The following SAMD12 variants were observed in gnomAD, a reference collection of about 807,000 sequenced individuals.
The protein encoded by SAMD12 is sterile alpha motif domain containing 12.
In SAMD12, 9 loss-of-function variants were observed where a neutral mutation model predicts 15.0. The ratio of observed to expected loss-of-function variants is 0.60; its 90% CI spans 0.36 to 1.05. The LOEUF (loss-of-function observed/expected upper bound fraction) is 1.05. SAMD12 is among the 50% of genes least tolerant of loss of function. The pLI, the probability that SAMD12 is intolerant of heterozygous loss-of-function variation, is 0.01. For synonymous variants in SAMD12, 86 were observed against 90.1 expected (o/e 0.96, Z 0.25); for missense variants, 230 against 234.2 (o/e 0.98, Z 0.12).
intron 2 of SAMD12, among the ~76,000 whole-genome samples, chr8:118,513,013 T>A (rs78187489): frequency 6.6e-6 from 1 of 151,954 alleles, no homozygotes; most frequent in Non-Finnish European, 1.5e-5. Flanking sequence ...ACTTATATTT[T>A]TTTTTTTTCT....
At chr8:118,465,512 C>T (rs1473215298) in intron 2 of SAMD12, among the ~76,000 whole-genome samples, 2 of 152,106 alleles carry the variant, frequency 1.3e-5, no homozygotes, top group African/African-American at 2.4e-5. Flanking sequence ...CTCAAACAGT[C>T]CTGCACAGTC....
At chr8:118,541,781 A>C (rs910647819) in intron 2 of SAMD12, among the ~76,000 whole-genome samples, 3 of 152,224 alleles carry the variant, frequency 2.0e-5, no homozygotes, top group Non-Finnish European at 4.4e-5. Context: ...TGACAAACAA[A>C]ATACACAAAG....
At chr8:118,155,330 C>T in the SAMD12 span, among the ~76,000 whole-genome samples, 664 of 152,242 alleles carry the variant, frequency 4.4e-3, 7 homozygotes, top group African/African-American at 0.015. Flanking sequence ...CCAGATACAT[C>T]ATTGAAGAAC....
chr8:118,464,924 GCTATA>G (rs1192692376), intron 2 of SAMD12, among the ~76,000 whole-genome samples: 1 of 152,130 alleles, frequency 6.6e-6, no homozygotes, highest in Non-Finnish European at 1.5e-5. Context: ...ATTAATAGAT[GCTATA>G]CTCTGCTGTG....
intron 4 of SAMD12, among the ~76,000 whole-genome samples, chr8:118,284,048 G>A (rs1361733471): frequency 1.3e-5 from 2 of 152,132 alleles, no homozygotes; most frequent in East Asian, 1.9e-4. Flanking sequence ...TAGCTTTCAC[G>A]ACAATAAAAT....
chr8:118,612,779 C>G (rs979181729), intron 1 of SAMD12, among the ~76,000 whole-genome samples: 5 of 152,176 alleles, frequency 3.3e-5, no homozygotes, highest in Admixed American at 3.3e-4. Context: ...TAGTGGTTTA[C>G]TCATGATTAC....
At chr8:118,430,150 T>A (rs1168798248) in intron 3 of SAMD12, among the ~76,000 whole-genome samples, 2 of 152,204 alleles carry the variant, frequency 1.3e-5, no homozygotes, top group Non-Finnish European at 2.9e-5. Flanking sequence ...TTCTATAAAA[T>A]GTTCTATAGA....
intron 3 of SAMD12, among the ~76,000 whole-genome samples, chr8:118,384,178 A>T (rs1007307180): frequency 6.6e-6 from 1 of 152,176 alleles, no homozygotes; most frequent in Admixed American, 6.5e-5. Flanking sequence ...TCACTAGGGC[A>T]GAGCAGGTGA....
chr8:118,240,709 T>C (rs749910368), intron 4 of SAMD12, among the ~76,000 whole-genome samples: 17 of 152,108 alleles, frequency 1.1e-4, no homozygotes, highest in Non-Finnish European at 2.2e-4. Context: ...ATACTGATTC[T>C]TCTTAAAGTG....
intron 1 of SAMD12, among the ~76,000 whole-genome samples, chr8:118,600,858 T>C (rs980894643): frequency 2.6e-5 from 4 of 152,228 alleles, no homozygotes; most frequent in African/African-American, 9.6e-5. Flanking sequence ...TTAAGGATTA[T>C]TCACTTTTCT....
intron 3 of SAMD12, among the ~76,000 whole-genome samples, chr8:118,417,363 T>G (rs1821752302): frequency 1.3e-5 from 2 of 152,188 alleles, no homozygotes; most frequent in Non-Finnish European, 2.9e-5. Context: ...GGATTACAGT[T>G]GTGAGCCACT....
At chr8:118,346,355 G>A (rs1049625097) in intron 4 of SAMD12, among the ~76,000 whole-genome samples, 3 of 152,306 alleles carry the variant, frequency 2.0e-5, no homozygotes, top group African/African-American at 7.2e-5. Context: ...GAATATTCCA[G>A]AAAGGTGGTA....
chr8:118,164,687 A>G, the SAMD12 span, among the ~76,000 whole-genome samples: 1 of 144,886 alleles, frequency 6.9e-6, no homozygotes, highest in Non-Finnish European at 1.6e-5. Flanking sequence ...TTACAGCTAT[A>G]GGCAATTTTT....
At chr8:118,351,921 C>T (rs1817983368) in intron 4 of SAMD12, among the ~76,000 whole-genome samples, 1 of 152,278 alleles carries the variant, frequency 6.6e-6, no homozygotes, top group South Asian at 2.1e-4. Context: ...GGCTCTTTGT[C>T]TTGAAGCCCT....
intron 4 of SAMD12, among the ~76,000 whole-genome samples, chr8:118,331,143 G>C (rs1816787446): frequency 6.6e-6 from 1 of 152,050 alleles, no homozygotes; most frequent in Non-Finnish European, 1.5e-5. Flanking sequence ...CAAAAGGTCA[G>C]CACAAACTTG....
At chr8:118,337,864 A>T (rs1817160723) in intron 4 of SAMD12, among the ~76,000 whole-genome samples, 2 of 152,242 alleles carry the variant, frequency 1.3e-5, no homozygotes, top group African/African-American at 4.8e-5. Flanking sequence ...TTAATAAGGA[A>T]ACAACAAAAA....
intron 2 of SAMD12, among the ~76,000 whole-genome samples, chr8:118,567,838 T>C (rs1256827244): frequency 6.6e-6 from 1 of 152,248 alleles, no homozygotes; most frequent in Non-Finnish European, 1.5e-5. Flanking sequence ...GTAGGTGTGA[T>C]TTAAACAGCA....
At chr8:118,559,381 G>A (rs953388399) in intron 2 of SAMD12, among the ~76,000 whole-genome samples, 3 of 152,168 alleles carry the variant, frequency 2.0e-5, no homozygotes, top group Admixed American at 2.0e-4. Context: ...CCACAAATGA[G>A]TATTAACACC....
chr8:118,262,804 G>A (rs149836298), intron 4 of SAMD12, among the ~76,000 whole-genome samples: 245 of 152,070 alleles, frequency 1.6e-3, no homozygotes, highest in African/African-American at 3.5e-3. Context: ...GGTAATAATC[G>A]TTGGAAACAT....
Sources: gnomAD v4.1 joint callset for allele counts (sites outside exome capture counted in the v4.1 genomes callset) on GRCh38, gnomAD v4.1.1 for gene constraint, MANE v1.5 for transcripts, NCBI Gene and HGNC (gene_info 2026-07-23, HGNC 2026-07-21) for gene names.